The following KIF6 variants were observed in gnomAD, a reference collection of about 807,000 sequenced individuals.
The protein encoded by KIF6 is kinesin family member 6.
A neutral mutation model predicts 112.7 loss-of-function variants in KIF6; 106 were observed. The ratio of observed to expected loss-of-function variants is 0.94; its 90% CI spans 0.80 to 1.11. The LOEUF (loss-of-function observed/expected upper bound fraction) is 1.11. Ranked by LOEUF, KIF6 falls within the 50% of genes least tolerant of loss-of-function variation. The probability of loss-of-function intolerance (pLI) is 0.00; values close to 1 mark genes in which losing one functional copy is unlikely to be tolerated. For synonymous variants in KIF6, 339 were observed against 339.9 expected (o/e 1.00, Z 0.03); for missense variants, 929 against 964.0 (o/e 0.96, Z 0.48).
chr6:39,371,017 A>C (rs1244005652), intron 16 of KIF6, among the ~76,000 whole-genome samples: 1 of 152,162 alleles, frequency 6.6e-6, no homozygotes, highest in Non-Finnish European at 1.5e-5. Context: ...TGTGCTGGTA[A>C]GTGTTTAACA....
At chr6:39,662,929 G>A (rs191016419) in intron 3 of KIF6, among the ~76,000 whole-genome samples, 1 of 148,914 alleles carries the variant, frequency 6.7e-6, no homozygotes, top group African/African-American at 2.5e-5. Context: ...TTTTTATAGG[G>A]TCTTGCCCAG....
intron 13 of KIF6, among the ~76,000 whole-genome samples, chr6:39,465,145 C>T (rs988753919): frequency 3.9e-5 from 6 of 152,186 alleles, no homozygotes; most frequent in South Asian, 2.1e-4. Flanking sequence ...GGTAGGCGGG[C>T]GGGGATATCA....
At chr6:39,404,118 C>A (rs1768913470) in intron 15 of KIF6, among the ~76,000 whole-genome samples, 1 of 152,132 alleles carries the variant, frequency 6.6e-6, no homozygotes, top group Non-Finnish European at 1.5e-5. Context: ...CCCAGTCTGT[C>A]ACTTGTCTTT....
chr6:39,568,832 T>G (rs1780475542), intron 10 of KIF6, among the ~76,000 whole-genome samples: 1 of 152,208 alleles, frequency 6.6e-6, no homozygotes, highest in African/African-American at 2.4e-5. Context: ...ATTATAGGCA[T>G]GAGCCACTGA....
chr6:39,442,209 C>T (rs1581865734), intron 13 of KIF6, among the ~76,000 whole-genome samples: 1 of 152,136 alleles, frequency 6.6e-6, no homozygotes, highest in South Asian at 2.1e-4. Flanking sequence ...ATTCACCCAC[C>T]TGCTGCGGCT....
At chr6:39,671,387 G>C (rs182123066) in intron 3 of KIF6, among the ~76,000 whole-genome samples, 1 of 152,310 alleles carries the variant, frequency 6.6e-6, no homozygotes, top group Non-Finnish European at 1.5e-5. Flanking sequence ...GACTTCTCTA[G>C]ACTCTAGTGA....
At chr6:39,495,584 G>T (rs144741687) in intron 13 of KIF6, among the ~76,000 whole-genome samples, 5 of 152,106 alleles carry the variant, frequency 3.3e-5, no homozygotes, top group Non-Finnish European at 7.4e-5. Flanking sequence ...AAGGTTTTAC[G>T]CAAATAAAAG....
chr6:39,425,331 G>A (rs1770689134), intron 14 of KIF6, among the ~76,000 whole-genome samples: 1 of 152,186 alleles, frequency 6.6e-6, no homozygotes, highest in Non-Finnish European at 1.5e-5. Flanking sequence ...TGTCAGAGAG[G>A]AGGACAGAAG....
At chr6:39,336,586 A>C (rs569348612) in intron 22 of KIF6, 38 bp from the exon 23 acceptor site, 9 of 1,607,022 alleles carry the variant, frequency 5.6e-6, no homozygotes, top group Non-Finnish European at 6.8e-6. Context: ...TAGGCTGTGC[A>C]TGCAGACACT....
intron 13 of KIF6, among the ~76,000 whole-genome samples, chr6:39,492,223 C>T (rs1775519712): frequency 6.6e-6 from 1 of 152,174 alleles, no homozygotes. Flanking sequence ...ACTTTAAGGG[C>T]ATTGCTGCAC....
intron 15 of KIF6, among the ~76,000 whole-genome samples, chr6:39,402,536 C>A (rs1768784693): frequency 1.3e-5 from 2 of 152,150 alleles, no homozygotes; most frequent in South Asian, 4.1e-4. Context: ...TTAAGAAACC[C>A]ATCAATTTTG....
At chr6:39,710,016 T>A (rs939604861) in intron 3 of KIF6, among the ~76,000 whole-genome samples, 3 of 152,230 alleles carry the variant, frequency 2.0e-5, no homozygotes, top group African/African-American at 4.8e-5. Context: ...AATATAAACA[T>A]CCTGTATACA....
chr6:39,506,673 G>A (rs1776445311), intron 13 of KIF6, among the ~76,000 whole-genome samples: 1 of 152,092 alleles, frequency 6.6e-6, no homozygotes. Context: ...CTGATACAGA[G>A]CTCCTAAATC....
intron 10 of KIF6, among the ~76,000 whole-genome samples, chr6:39,547,564 C>T (rs9380877): frequency 0.042 from 6,436 of 152,214 alleles, 277 homozygotes; most frequent in East Asian, 0.25. Context: ...TTCCCCTCCA[C>T]CTTTTTTTAA....
At chr6:39,718,967 A>G (rs1385313465) in intron 2 of KIF6, among the ~76,000 whole-genome samples, 2 of 152,154 alleles carry the variant, frequency 1.3e-5, no homozygotes, top group Non-Finnish European at 2.9e-5. Context: ...CAAAAGGTAG[A>G]GTTATGAAGA....
intron 13 of KIF6, among the ~76,000 whole-genome samples, chr6:39,460,686 G>C (rs1773422248): frequency 6.6e-6 from 1 of 152,134 alleles, no homozygotes; most frequent in Non-Finnish European, 1.5e-5. Context: ...ACCATATTGA[G>C]AGAAAACATG....
intron 13 of KIF6, among the ~76,000 whole-genome samples, chr6:39,500,091 A>C (rs1776033436): frequency 6.6e-6 from 1 of 152,176 alleles, no homozygotes; most frequent in Admixed American, 6.6e-5. Context: ...TAGGATGCAC[A>C]CAGATGGGGC....
chr6:39,463,766 A>G (rs1461299310), intron 13 of KIF6, among the ~76,000 whole-genome samples: 1 of 152,190 alleles, frequency 6.6e-6, no homozygotes, highest in Non-Finnish European at 1.5e-5. Flanking sequence ...TTATTAAATA[A>G]AAATTCCAAA....
intron 13 of KIF6, among the ~76,000 whole-genome samples, chr6:39,500,225 G>A (rs1776042051): frequency 6.6e-6 from 1 of 152,226 alleles, no homozygotes; most frequent in Admixed American, 6.5e-5. Context: ...GGCATGAAAA[G>A]TGATTGGAGA....
Sources: gnomAD v4.1 joint callset for allele counts (sites outside exome capture counted in the v4.1 genomes callset) on GRCh38, gnomAD v4.1.1 for gene constraint, MANE v1.5 for transcripts, NCBI Gene and HGNC (gene_info 2026-07-23, HGNC 2026-07-21) for gene names.